UNC13C: variants seen among roughly 807,000 people sequenced by gnomAD.
UNC13C encodes the protein unc-13 homolog C.
UNC13C carries 174 observed loss-of-function variants against 245.4 expected under a neutral mutation model. The ratio of observed to expected loss-of-function variants is 0.71; its 90% CI spans 0.63 to 0.80. UNC13C has a LOEUF of 0.80. UNC13C is among the 30% of genes least tolerant of loss of function. The pLI, the probability that UNC13C is intolerant of heterozygous loss-of-function variation, is 0.00. For missense variants in UNC13C, 2,829 were observed against 2,602.9 expected (o/e 1.09, Z -1.89); for synonymous variants, 992 against 895.1 (o/e 1.11, Z -1.93).
the UNC13C span, among the ~76,000 whole-genome samples, chr15:53,927,579 G>A: frequency 1.3e-5 from 2 of 152,164 alleles, no homozygotes; most frequent in Non-Finnish European, 2.9e-5. Context: ...GAGGAGAAAT[G>A]TCATGTGGAC....
chr15:54,232,528 A>G (rs373307101), intron 4 of UNC13C, among the ~76,000 whole-genome samples: 59 of 152,274 alleles, frequency 3.9e-4, no homozygotes, highest in Non-Finnish European at 6.5e-4. Flanking sequence ...GAAAATTTGA[A>G]TTAAGTTTCA....
intron 4 of UNC13C, among the ~76,000 whole-genome samples, chr15:54,175,675 G>C (rs1022715382): frequency 6.6e-6 from 1 of 151,926 alleles, no homozygotes; most frequent in Non-Finnish European, 1.5e-5. Flanking sequence ...ACCACGCCCA[G>C]CTAATTTTTG....
chr15:54,528,318 C>CT (rs33919757), intron 25 of UNC13C, among the ~76,000 whole-genome samples: 153 of 140,984 alleles, frequency 1.1e-3, no homozygotes, highest in South Asian at 4.9e-3. Context: ...TGGTTTGCTC[C>CT]TTTTTTTTTT....
At chr15:54,518,553 C>T (rs1394357224) in intron 24 of UNC13C, among the ~76,000 whole-genome samples, 3 of 152,206 alleles carry the variant, frequency 2.0e-5, no homozygotes, top group East Asian at 1.9e-4. Flanking sequence ...CCTTCAGTTG[C>T]TCATGCCTGC....
intron 1 of UNC13C, among the ~76,000 whole-genome samples, chr15:53,986,965 T>C (rs1306597479): frequency 6.6e-6 from 1 of 152,038 alleles, no homozygotes; most frequent in Non-Finnish European, 1.5e-5. Context: ...TTTATCATAG[T>C]AGCTTTAGAA....
chr15:54,625,272 G>A (rs1222304315), intron 32 of UNC13C, among the ~76,000 whole-genome samples: 1 of 50,462 alleles, frequency 2.0e-5, no homozygotes, highest in African/African-American at 7.7e-5. Flanking sequence ...CCGGAAGCAA[G>A]AAGAAACCCT....
intron 2 of UNC13C, among the ~76,000 whole-genome samples, chr15:54,136,845 C>CT (rs71132781): frequency 0.019 from 2,850 of 148,576 alleles, 101 homozygotes; most frequent in African/African-American, 0.067. Context: ...TTGTGTATCA[C>CT]TTTTTTTTTT....
At chr15:53,847,617 C>T in the UNC13C span, among the ~76,000 whole-genome samples, 6 of 151,542 alleles carry the variant, frequency 4.0e-5, no homozygotes, top group South Asian at 2.1e-4. Flanking sequence ...CTGCCCACCT[C>T]GGCCTCCCAA....
rs1262714223 is a variant in UNC13C at position 54,092,402 on chromosome 15, TAAC to T, written c.2984-50613_2984-50611del. Among the ~76,000 whole-genome samples, 4 of 152,330 alleles carry T rather than the reference TAAC, an allele frequency of 2.6e-5. No individual in the cohort carries two copies. The East Asian group carries it at 7.7e-4, about 29-fold the overall frequency. Reference sequence around the variant, plus strand: ...AAAAAAATCATAACCATGATAGTGATAACAATACTAGCAACATTTTATGATTAC... The same window carrying T: ...AAAAAAATCATAACCATGATAGTGATAATACTAGCAACATTTTATGATTAC... On this transcript the variant is annotated intron_variant, in intron 2 of 32. Coordinates refer to ENST00000260323, the MANE Select transcript of UNC13C (RefSeq NM_001080534.3).
chr15:54,104,040 G>C (rs1190462518), intron 2 of UNC13C, among the ~76,000 whole-genome samples: 1 of 152,208 alleles, frequency 6.6e-6, no homozygotes, highest in East Asian at 1.9e-4. Context: ...ACCATGCCCG[G>C]CCACACGTAG....
intron 19 of UNC13C, among the ~76,000 whole-genome samples, chr15:54,424,740 G>C: frequency 6.6e-6 from 1 of 151,684 alleles, no homozygotes; most frequent in Non-Finnish European, 1.5e-5. Context: ...GGCATTTTTA[G>C]AATCATAGTA....
rs1895584286 is a variant in UNC13C, at chr15:54,015,115, T to C, written c.2212T>C (p.Tyr738His). 3 of 1,612,642 alleles carry C rather than the reference T, an allele frequency of 1.9e-6. No homozygotes were observed. Among genetic ancestry groups the C allele is most frequent in the Non-Finnish European group, 2.5e-6 (3 of 1,179,356 alleles). Residue 738 changes from tyrosine (Y) to histidine (H), a missense_variant, in exon 2 of 33, where the codon TAT becomes CAT. Tyr to His is a moderately conservative substitution (Grantham distance 83). Transcript: ENST00000260323. ...NEPQGQWVGQ[Y>H]DSYQGANSNE... ...ACCACAAGGCCAGTGGGTTGGCCAATATGATTCTTATCAGGGAGCTAATTC... is the reference window on the plus strand; with the variant it reads ...ACCACAAGGCCAGTGGGTTGGCCAACATGATTCTTATCAGGGAGCTAATTC...
At chr15:54,104,504 T>C (rs1014987815) in intron 2 of UNC13C, among the ~76,000 whole-genome samples, 1 of 152,124 alleles carries the variant, frequency 6.6e-6, no homozygotes, top group East Asian at 1.9e-4. Context: ...TTATTTTCCT[T>C]CCCTTTTTTT....
At chr15:54,086,338 C>T (rs544489645) in intron 2 of UNC13C, among the ~76,000 whole-genome samples, 1 of 152,294 alleles carries the variant, frequency 6.6e-6, no homozygotes, top group South Asian at 2.1e-4. Flanking sequence ...TACTATAGGA[C>T]ATTCAAAAAA....
At chr15:54,365,148 C>T (rs146508051) in intron 17 of UNC13C, among the ~76,000 whole-genome samples, 2,714 of 152,118 alleles carry the variant, frequency 0.018, 65 homozygotes, top group Admixed American at 0.072. Flanking sequence ...TTTCTTGGCC[C>T]TCTCAGTATT....
chr15:54,456,468 C>A (rs1240863533), intron 19 of UNC13C, among the ~76,000 whole-genome samples: 1 of 151,940 alleles, frequency 6.6e-6, no homozygotes, highest in Non-Finnish European at 1.5e-5. Context: ...AATATTGGTC[C>A]TACCCATCCA....
At chr15:53,948,828 T>C in the UNC13C span, among the ~76,000 whole-genome samples, 1 of 151,550 alleles carries the variant, frequency 6.6e-6, no homozygotes, top group Admixed American at 6.6e-5. Context: ...GAGTAGGAAG[T>C]ATGGAGAGAC....
At chr15:53,890,566 T>C in the UNC13C span, among the ~76,000 whole-genome samples, 1 of 152,262 alleles carries the variant, frequency 6.6e-6, no homozygotes, top group Non-Finnish European at 1.5e-5. Context: ...TATTCAGGGA[T>C]TTGACTTCTT....
intron 2 of UNC13C, among the ~76,000 whole-genome samples, chr15:54,031,346 C>T (rs578040377): frequency 3.3e-5 from 5 of 152,340 alleles, no homozygotes; most frequent in African/African-American, 1.2e-4. Flanking sequence ...GCCTCAGCCT[C>T]CTGAGTACCT....
Sources: allele counts gnomAD v4.1 joint callset (sites outside exome capture counted in the v4.1 genomes callset), GRCh38; gene constraint gnomAD v4.1.1; transcripts MANE v1.5; gene names NCBI Gene and HGNC (gene_info 2026-07-23, HGNC 2026-07-21).